The following IARS1 variants were observed in gnomAD, a reference collection of about 807,000 sequenced individuals.
IARS1 encodes isoleucyl-tRNA synthetase 1.
A neutral mutation model predicts 168.2 loss-of-function variants in IARS1; 124 were observed. That is an observed-to-expected ratio of 0.74 (90% confidence interval 0.64 to 0.86). The LOEUF (loss-of-function observed/expected upper bound fraction) is 0.86, where lower values mean the gene tolerates loss of function less well. IARS1 is among the 40% of genes least tolerant of loss of function. IARS1 has a pLI of 0.00. For missense variants in IARS1, 1,452 were observed against 1,515.8 expected, an observed-to-expected ratio of 0.96 and a Z score of 0.70; for synonymous variants, 532 against 529.4, an observed-to-expected ratio of 1.00 and a Z score of -0.07.
Position 92,210,699 on chromosome 9 carries a change from C to T in IARS1, c.*108G>A. On this transcript the variant is annotated 3_prime_UTR_variant, in exon 34 of 34. Coordinates refer to ENST00000443024, the MANE Select transcript of IARS1 (RefSeq NM_002161.6). ...TCCAAGCAGCATATTTTACACACAC[C>T]TGAAGGAAATATCTTCAGTGTGTTC... 1 of 720,314 alleles carries T rather than the reference C, an allele frequency of 1.4e-6. No homozygotes were observed. Among genetic ancestry groups the T allele is most frequent in the South Asian group, 1.7e-5 (1 of 60,314 alleles). The allele number at this position is 720,314 out of a possible 1,614,324, so 44.6% of individuals were successfully genotyped here.
In IARS1 at chr9:92,210,780, T is replaced by C. The variant is rs868459179; in HGVS notation, c.*27A>G. 1 of 1,432,700 alleles carries C rather than the reference T, an allele frequency of 7.0e-7. No homozygotes were observed. Among genetic ancestry groups the C allele is most frequent in the African/African-American group, 1.4e-5 (1 of 70,848 alleles). 88.7% of individuals were successfully genotyped at this position (1,432,700 alleles called of 1,614,324 possible). On this transcript the variant is annotated 3_prime_UTR_variant, in exon 34 of 34. Transcript: ENST00000443024. ...GGGATAGGTGTAATTAGGGAAGGGC[T>C]GACCGAACAACATTGATAAGTACAT... is the stretch of plus-strand genomic sequence containing the variant.
chr9:92,278,176 A>T, intron 8 of IARS1, 23 bp downstream of exon 8: 1 of 1,415,526 alleles, frequency 7.1e-7, no homozygotes, highest in Non-Finnish European at 1.0e-6. Context: ...ACACAAACAC[A>T]GAGCAACTAT....
At position 92,244,969 on chromosome 9, in the gene IARS1, G is replaced by C; in HGVS notation, c.2894C>G (p.Ser965Ter). 1 of 1,613,444 alleles carries C rather than the reference G, an allele frequency of 6.2e-7. No homozygotes were observed. ...TGGTAQFEAH[S>*]DAQALVLLDV... is the part of the protein sequence containing the mutation. Reference sequence around the variant, plus strand: ...GAAACAGAAAAATACCTGAGCATCTGAGTGTGCTTCAAATTGCGCAGTCCC... The same window carrying C: ...GAAACAGAAAAATACCTGAGCATCTCAGTGTGCTTCAAATTGCGCAGTCCC... The change falls in exon 27 of 34, where the codon TCA becomes TGA. Residue 965 changes from serine to a stop codon, truncating the protein, a stop_gained. Transcript: ENST00000443024. LOFTEE classifies it high-confidence loss of function.
intron 30 of IARS1, among the ~76,000 whole-genome samples, chr9:92,236,126 G>T (rs1343319820): frequency 2.0e-5 from 3 of 152,052 alleles, no homozygotes; most frequent in African/African-American, 7.2e-5. Flanking sequence ...TGAGATTACA[G>T]GCGCCCGCCA....
chr9:92,222,726 CA>C, intron 32 of IARS1, 54 bp from the exon 33 acceptor site: 1 of 1,594,298 alleles, frequency 6.3e-7, no homozygotes, highest in South Asian at 1.1e-5. Context: ...CCTCTAGCTC[CA>C]AAAGAGGTGG....
At chr9:92,289,813 GTGGCCTATTGCATC>G (rs1252748087) in intron 1 of IARS1, among the ~76,000 whole-genome samples, 2 of 152,116 alleles carry the variant, frequency 1.3e-5, no homozygotes, top group Middle Eastern at 3.2e-3. Flanking sequence ...TCATCTATAT[GTGGCCTATTGCATC>G]TGGTTTCCTT....
chr9:92,228,326 G>A (rs925949438), intron 31 of IARS1, among the ~76,000 whole-genome samples: 20 of 151,996 alleles, frequency 1.3e-4, no homozygotes, highest in Admixed American at 2.6e-4. Context: ...ACGTAACAGC[G>A]GGAGAATGCA....
intron 33 of IARS1, among the ~76,000 whole-genome samples, chr9:92,219,772 G>A (rs1839366968): frequency 8.5e-6 from 1 of 117,222 alleles, no homozygotes; most frequent in Non-Finnish European, 1.7e-5. Context: ...GAAACAACAG[G>A]TGCTGGAGAG....
At chr9:92,249,092 A>C (rs1468486023) in intron 25 of IARS1, among the ~76,000 whole-genome samples, 5 of 152,238 alleles carry the variant, frequency 3.3e-5, no homozygotes, top group African/African-American at 1.2e-4. Flanking sequence ...AATGTCAAAC[A>C]ACGGGACAGT....
intron 31 of IARS1, among the ~76,000 whole-genome samples, chr9:92,226,698 G>A (rs1034484833): frequency 6.6e-6 from 1 of 152,016 alleles, no homozygotes; most frequent in Non-Finnish European, 1.5e-5. Flanking sequence ...GGAGGCTCCC[G>A]GCAATCTTGG....
chr9:92,216,257 G>C (rs564816599), intron 33 of IARS1, among the ~76,000 whole-genome samples: 38 of 149,112 alleles, frequency 2.5e-4, no homozygotes, highest in African/African-American at 9.0e-4. Flanking sequence ...TGCCCTAAAA[G>C]AGCTCCTGAA....
At position 92,240,192 on chromosome 9, in the gene IARS1, T is replaced by C. The variant is rs117268222; in HGVS notation, c.3283+664A>G. The C allele has an allele frequency of 4.6e-4, 73 of 157,768 alleles. 1 individual carries two copies. The highest frequency in any genetic ancestry group is 6.9e-4 in the Non-Finnish European group (49 of 71,070). The allele number at this position is 157,768 out of a possible 1,614,324, so 9.8% of individuals were successfully genotyped here. Reference sequence around the variant, plus strand: ...GTTTAGATGTATTTAGCAGGAGGAATAGGGAAAACTGTATCTGCTTCATGC... The same window carrying C: ...GTTTAGATGTATTTAGCAGGAGGAACAGGGAAAACTGTATCTGCTTCATGC... On this transcript the variant is annotated intron_variant, in intron 30 of 33. Transcript: ENST00000443024.
At chr9:92,275,767 A>G (rs1833696471) in intron 9 of IARS1, among the ~76,000 whole-genome samples, 1 of 152,192 alleles carries the variant, frequency 6.6e-6, no homozygotes, top group African/African-American at 2.4e-5. Context: ...GTGTCCGCTG[A>G]CTCAGCTTCC....
rs201182919 is a variant in IARS1 at position 92,253,471 on chromosome 9, C to T, written c.2138-18G>A. ...CCTATAAGCTAAAAGTAAGACAAGT[C>T]AATCAGGCAGCAAGTGGGTTACCAG... is the stretch of plus-strand genomic sequence containing the variant. On this transcript the variant is annotated intron_variant, in intron 20 of 33. Transcript: ENST00000443024. 1.3e-5 allele frequency: 20 copies of T among 1,571,210 alleles called. No individual in the cohort carries two copies. In the African/African-American group the frequency reaches 2.6e-4, roughly 20 times the overall value.
intron 26 of IARS1, among the ~76,000 whole-genome samples, chr9:92,245,648 C>T (rs1409123082): frequency 1.3e-5 from 2 of 152,114 alleles, no homozygotes; most frequent in South Asian, 2.1e-4. Flanking sequence ...TCTGAGCACC[C>T]GGGTGTCATT....
intron 20 of IARS1, chr9:92,256,413 T>C (rs1830728379): frequency 5.2e-6 from 1 of 193,806 alleles, no homozygotes; most frequent in Non-Finnish European, 1.1e-5. Flanking sequence ...GGTCTCGAAC[T>C]CCTGACCTAA....
At chr9:92,291,301 G>T (rs1430215437) in intron 1 of IARS1, among the ~76,000 whole-genome samples, 1 of 152,058 alleles carries the variant, frequency 6.6e-6, no homozygotes, top group Non-Finnish European at 1.5e-5. Flanking sequence ...AACCACAACA[G>T]ACCAGGGTAA....
In IARS1 at chr9:92,278,433, G is replaced by C. The variant is rs1475744055; in HGVS notation, c.746-147C>G. 4.7e-6 allele frequency: 3 copies of C among 636,440 alleles called. No homozygotes were observed. In the East Asian group the frequency reaches 7.9e-5, roughly 17 times the overall value. The allele number at this position is 636,440 out of a possible 1,614,324, so 39.4% of individuals were successfully genotyped here. A position where few individuals can be genotyped will look rare whatever the true frequency, so the allele number is the denominator to read the frequency against. On this transcript the variant is annotated intron_variant, in intron 7 of 33. Coordinates refer to ENST00000443024, the MANE Select transcript of IARS1 (RefSeq NM_002161.6). ...AGTACTCACAGAGAAATACTGCAAA[G>C]AACACTATGGTATACTGCTTCCCAA...
At chr9:92,229,376 C>CA in intron 30 of IARS1, among the ~76,000 whole-genome samples, 1 of 131,922 alleles carries the variant, frequency 7.6e-6, no homozygotes, top group Non-Finnish European at 1.8e-5. Context: ...CACACACACA[C>CA]ACACACACAC....
Sources: allele counts gnomAD v4.1 joint callset (sites outside exome capture counted in the v4.1 genomes callset), GRCh38; gene constraint gnomAD v4.1.1; transcripts MANE v1.5; gene names NCBI Gene and HGNC (gene_info 2026-07-23, HGNC 2026-07-21).